Variants in IPP observed in about 807,000 individuals in gnomAD.
The protein encoded by IPP is actin-binding protein IPP.
Under a neutral mutation model 64.1 loss-of-function variants are expected in IPP, and 41 were observed. The observed-to-expected ratio is 0.64, with a 90% CI of 0.50 to 0.83. The LOEUF (loss-of-function observed/expected upper bound fraction) is 0.83, where lower values mean the gene tolerates loss of function less well. IPP is among the 40% of genes least tolerant of loss of function. The pLI, the probability that IPP is intolerant of heterozygous loss-of-function variation, is 0.00. For synonymous variants in IPP, 214 were observed against 235.2 expected (o/e 0.91, Z 0.83); for missense variants, 649 against 703.0 (o/e 0.92, Z 0.87).
intron 2 of IPP, 126 bp from the exon 3 acceptor site, chr1:45,741,458 A>G: frequency 1.6e-6 from 1 of 641,250 alleles, no homozygotes; most frequent in Non-Finnish European, 2.6e-6. Context: ...ACACTAAAAA[A>G]GGCAATCAAG....
intron 7 of IPP, among the ~76,000 whole-genome samples, chr1:45,716,352 A>G (rs1190668820): frequency 6.6e-6 from 1 of 152,118 alleles, no homozygotes; most frequent in African/African-American, 2.4e-5. Context: ...TCAAGCAATT[A>G]TCCTGCCTCA....
chr1:45,739,312 T>C (rs1284202920), intron 3 of IPP, among the ~76,000 whole-genome samples: 1 of 151,878 alleles, frequency 6.6e-6, no homozygotes, highest in African/African-American at 2.4e-5. Context: ...TGGCTCAATG[T>C]AGCCTTGACC....
At chr1:45,743,700 C>G (rs1183583706) in intron 2 of IPP, among the ~76,000 whole-genome samples, 1 of 148,798 alleles carries the variant, frequency 6.7e-6, no homozygotes, top group Non-Finnish European at 1.5e-5. Context: ...CAAAGCAAGA[C>G]TCTGTCTCAC....
Position 45,699,878 on chromosome 1 carries a change from G to A in IPP, c.*88C>T. On this transcript the variant is annotated 3_prime_UTR_variant, in exon 9 of 9. Transcript: ENST00000396478. ...ACATGGAAAACTCACAGAATCAGAG[G>A]GTCTTATCACCAAATCTATGTTTGC... The A allele has an allele frequency of 6.5e-7, 1 of 1,546,526 alleles. No individual in the cohort carries two copies. The highest frequency in any genetic ancestry group is 1.3e-5 in the South Asian group (1 of 79,868).
chr1:45,695,253 C>G (rs1052571168), downstream of IPP, among the ~76,000 whole-genome samples: 5 of 152,174 alleles, frequency 3.3e-5, no homozygotes, highest in Non-Finnish European at 7.3e-5. Context: ...CAGCCTCGAC[C>G]TCCTGGGCTC....
At chr1:45,725,753 C>A (rs1390600534) in intron 5 of IPP, among the ~76,000 whole-genome samples, 104 of 139,868 alleles carry the variant, frequency 7.4e-4, no homozygotes, top group Non-Finnish European at 1.2e-3. Flanking sequence ...AAGAAAAATT[C>A]TTCTGCCTTG....
chr1:45,743,978 C>T (rs968253200), intron 2 of IPP, among the ~76,000 whole-genome samples: 1 of 150,128 alleles, frequency 6.7e-6, no homozygotes, highest in African/African-American at 2.5e-5. Context: ...GATTGTGCCA[C>T]TATACTCCAG....
At chr1:45,716,014 G>A (rs1330635084) in intron 7 of IPP, among the ~76,000 whole-genome samples, 2 of 152,072 alleles carry the variant, frequency 1.3e-5, no homozygotes, top group Non-Finnish European at 2.9e-5. Context: ...TTCTCCACAG[G>A]TGCATAAAAA....
chr1:45,709,095 A>T (rs925307857), intron 8 of IPP, among the ~76,000 whole-genome samples: 3 of 151,026 alleles, frequency 2.0e-5, no homozygotes, highest in African/African-American at 7.3e-5. Flanking sequence ...AGCTAAGAGA[A>T]GTTCATCACC....
intron 6 of IPP, 77 bp downstream of exon 6, chr1:45,719,126 T>C (rs559149190): frequency 7.3e-7 from 1 of 1,369,030 alleles, no homozygotes; most frequent in East Asian, 2.5e-5. Flanking sequence ...TATATATACC[T>C]ATTATGTATC....
At chr1:45,736,936 G>A (rs183680323) in intron 3 of IPP, among the ~76,000 whole-genome samples, 164 of 151,642 alleles carry the variant, frequency 1.1e-3, no homozygotes, top group Non-Finnish European at 2.1e-3. Context: ...CCAGCTACAC[G>A]GAAGGCTGAG....
At position 45,726,090 on chromosome 1, in the gene IPP, A is replaced by AAAAT. The variant is rs530444709; in HGVS notation, c.1048+1537_1048+1540dup. On this transcript the variant is annotated intron_variant, in intron 5 of 8. Coordinates refer to ENST00000396478, the MANE Select transcript of IPP (RefSeq NM_005897.3). ...AAACACCCAAGAATGATCAATAAAA[A>AAAAT]AAATAAATAAATAAATAAATAAATA... 5.3e-3 allele frequency among the ~76,000 whole-genome samples: 797 copies of AAAAT among 148,972 alleles called. 6 individuals carry two copies. Among genetic ancestry groups the AAAAT allele is most frequent in the African/African-American group, 0.017 (696 of 40,634 alleles).
downstream of IPP, chr1:45,696,846 C>T (rs1645392372): frequency 6.6e-6 from 1 of 152,222 alleles, no homozygotes; most frequent in Non-Finnish European, 1.5e-5. Flanking sequence ...TTTACAGTCA[C>T]CTATTTTCAG....
intron 3 of IPP, among the ~76,000 whole-genome samples, chr1:45,730,841 T>G (rs1399711866): frequency 6.6e-6 from 1 of 152,150 alleles, no homozygotes; most frequent in Non-Finnish European, 1.5e-5. Flanking sequence ...CTAATAATAA[T>G]TTGCAGACAG....
At chr1:45,725,742 T>A (rs1393854608) in intron 5 of IPP, among the ~76,000 whole-genome samples, 1 of 139,944 alleles carries the variant, frequency 7.1e-6, no homozygotes, top group Non-Finnish European at 1.6e-5. Flanking sequence ...TGTTCTGTAC[T>A]AAGAAAAATT....
chr1:45,729,485 G>A, intron 4 of IPP, 129 bp downstream of exon 4: 2 of 689,816 alleles, frequency 2.9e-6, no homozygotes, highest in South Asian at 1.7e-5. Context: ...TAGTCTGTAT[G>A]TGAAATTAAA....
intron 1 of IPP, among the ~76,000 whole-genome samples, chr1:45,748,311 C>A (rs553342169): frequency 3.3e-5 from 5 of 152,018 alleles, no homozygotes. Flanking sequence ...TAAAAAATAT[C>A]TATTTTGGGG....
chr1:45,748,054 A>G (rs1646164987), intron 1 of IPP, among the ~76,000 whole-genome samples: 1 of 152,124 alleles, frequency 6.6e-6, no homozygotes, highest in South Asian at 2.1e-4. Flanking sequence ...GCTGATTATC[A>G]TCACTTTCTA....
intron 2 of IPP, among the ~76,000 whole-genome samples, chr1:45,741,623 CTTTTTTTT>C (rs57797396): frequency 0.061 from 5,842 of 96,052 alleles, 716 homozygotes; most frequent in African/African-American, 0.21. Context: ...TTCTTATTTT[CTTTTTTTT>C]TTTTTTTTTT....
Sources: allele counts gnomAD v4.1 joint callset (sites outside exome capture counted in the v4.1 genomes callset), GRCh38; gene constraint gnomAD v4.1.1; transcripts MANE v1.5; gene names NCBI Gene and HGNC (gene_info 2026-07-23, HGNC 2026-07-21).